The following SCAPER variants were observed in gnomAD, a reference collection of about 807,000 sequenced individuals.
SCAPER encodes the protein S-phase cyclin A associated protein in the ER, also known as S phase cyclin A-associated protein in the endoplasmic reticulum.
A neutral mutation model predicts 182.2 loss-of-function variants in SCAPER; 98 were observed. The ratio of observed to expected loss-of-function variants is 0.54; its 90% CI spans 0.46 to 0.64. SCAPER has a LOEUF of 0.64. SCAPER is among the 30% of genes least tolerant of loss of function. The pLI, the probability that SCAPER is intolerant of heterozygous loss-of-function variation, is 0.00. For synonymous variants in SCAPER, 605 were observed against 564.6 expected, an observed-to-expected ratio of 1.07 and a Z score of -1.01; for missense variants, 1,432 against 1,690.0, an observed-to-expected ratio of 0.85 and a Z score of 2.68.
chr15:76,513,441 C>T (rs2042196133), intron 23 of SCAPER, among the ~76,000 whole-genome samples: 1 of 152,074 alleles, frequency 6.6e-6, no homozygotes, highest in Non-Finnish European at 1.5e-5. Context: ...ATCAAGCTGT[C>T]TCAATGATGA....
At chr15:76,689,938 AG>A (rs1376618498) in intron 20 of SCAPER, among the ~76,000 whole-genome samples, 1 of 135,376 alleles carries the variant, frequency 7.4e-6, no homozygotes, top group African/African-American at 2.8e-5. Context: ...AAAAAAAAAA[AG>A]TCCATCTGAT....
intron 21 of SCAPER, among the ~76,000 whole-genome samples, chr15:76,623,867 T>TAA (rs146004517): frequency 1.1e-4 from 16 of 151,852 alleles, no homozygotes; most frequent in African/African-American, 3.4e-4. Flanking sequence ...CCCTTCATGA[T>TAA]AAAAAACCCT....
intron 20 of SCAPER, among the ~76,000 whole-genome samples, chr15:76,701,314 T>C (rs990591166): frequency 5.3e-5 from 8 of 152,176 alleles, no homozygotes; most frequent in Non-Finnish European, 1.2e-4. Flanking sequence ...AAAATATTCA[T>C]ATACATATTT....
intron 23 of SCAPER, among the ~76,000 whole-genome samples, chr15:76,514,549 T>C (rs1225504329): frequency 6.6e-6 from 1 of 152,218 alleles, no homozygotes. Context: ...ACAATAATTA[T>C]GTTCTTTGTG....
At chr15:76,391,369 T>C (rs2043683930) in intron 27 of SCAPER, among the ~76,000 whole-genome samples, 1 of 152,246 alleles carries the variant, frequency 6.6e-6, no homozygotes, top group Non-Finnish European at 1.5e-5. Flanking sequence ...TGATTGTTTT[T>C]TCCCCATTAG....
chr15:76,769,200 T>C (rs1476012092), intron 10 of SCAPER, among the ~76,000 whole-genome samples: 2 of 151,878 alleles, frequency 1.3e-5, no homozygotes, highest in African/African-American at 2.4e-5. Context: ...CCCAGCACTT[T>C]GGGAGGCCGA....
chr15:76,499,661 A>G (rs1023469954), intron 24 of SCAPER, among the ~76,000 whole-genome samples: 1 of 152,214 alleles, frequency 6.6e-6, no homozygotes, highest in East Asian at 1.9e-4. Context: ...AGCACATAAT[A>G]AAGTGCTAAG....
In SCAPER at chr15:76,750,479, G is replaced by GA. The variant is rs1317726463; in HGVS notation, c.1866+3328dup. 4.0e-5 allele frequency among the ~76,000 whole-genome samples: 6 copies of GA among 151,616 alleles called. No individual in the cohort carries two copies. The South Asian group carries it at 1.2e-3, about 31-fold the overall frequency. ...ACCAAAACCAGACAGAAACTACAAG[G>GA]AAAAAACTATAGACCAATATCCTTT... On this transcript the variant is annotated intron_variant, in intron 15 of 31. Coordinates refer to ENST00000563290, the MANE Select transcript of SCAPER (RefSeq NM_020843.4).
intron 23 of SCAPER, among the ~76,000 whole-genome samples, chr15:76,523,431 T>A (rs1164284345): frequency 6.6e-6 from 1 of 152,090 alleles, no homozygotes; most frequent in Non-Finnish European, 1.5e-5. Flanking sequence ...GTCCTTTATG[T>A]AAATCTGATA....
chr15:76,401,507 G>C (rs1309681078), intron 27 of SCAPER, among the ~76,000 whole-genome samples: 1 of 152,136 alleles, frequency 6.6e-6, no homozygotes, highest in Non-Finnish European at 1.5e-5. Context: ...GTGCTTCTTA[G>C]GAGTGATCAT....
intron 21 of SCAPER, among the ~76,000 whole-genome samples, chr15:76,654,722 C>G (rs575061116): frequency 6.6e-6 from 1 of 152,306 alleles, no homozygotes; most frequent in African/African-American, 2.4e-5. Context: ...GGACAAGTCC[C>G]TGACTCAGGC....
chr15:76,426,036 T>C (rs1415949566), intron 26 of SCAPER, among the ~76,000 whole-genome samples: 2 of 152,174 alleles, frequency 1.3e-5, no homozygotes, highest in Non-Finnish European at 2.9e-5. Flanking sequence ...GGGGGGTGCC[T>C]CCCAGTTAGG....
chr15:76,371,504 G>A (rs979618212), intron 29 of SCAPER, among the ~76,000 whole-genome samples: 1 of 151,704 alleles, frequency 6.6e-6, no homozygotes, highest in Non-Finnish European at 1.5e-5. Flanking sequence ...GTTTGTAGTA[G>A]AGACGGGGTT....
At chr15:76,554,564 T>C (rs1229562187) in intron 23 of SCAPER, among the ~76,000 whole-genome samples, 1 of 152,046 alleles carries the variant, frequency 6.6e-6, no homozygotes, top group Non-Finnish European at 1.5e-5. Flanking sequence ...TAGTTTGAAG[T>C]TGGGTAGTAT....
intron 1 of SCAPER, among the ~76,000 whole-genome samples, chr15:76,899,360 C>T (rs968338139): frequency 9.9e-5 from 15 of 152,214 alleles, no homozygotes; most frequent in Admixed American, 2.6e-4. Context: ...AGATGGGTTT[C>T]GCCATGTTGA....
chr15:76,546,762 A>G (rs530648580), intron 23 of SCAPER, among the ~76,000 whole-genome samples: 2 of 152,238 alleles, frequency 1.3e-5, no homozygotes, highest in African/African-American at 2.4e-5. Flanking sequence ...AGACTTCTAG[A>G]ACTTAAGTTT....
chr15:76,771,697 C>A (rs761412160), intron 10 of SCAPER, 45 bp downstream of exon 10: 2 of 1,442,608 alleles, frequency 1.4e-6, no homozygotes, highest in East Asian at 4.6e-5. Flanking sequence ...CTTAAATATA[C>A]TCAGAATTCT....
At chr15:76,683,754 G>T (rs894526678) in intron 20 of SCAPER, among the ~76,000 whole-genome samples, 6 of 151,892 alleles carry the variant, frequency 4.0e-5, no homozygotes, top group Admixed American at 2.6e-4. Context: ...TGTAGGGGGT[G>T]GGGGGGTCTA....
intron 8 of SCAPER, among the ~76,000 whole-genome samples, chr15:76,781,153 C>T (rs1320037315): frequency 6.6e-6 from 1 of 152,072 alleles, no homozygotes; most frequent in African/African-American, 2.4e-5. Context: ...AAAGGTTCCA[C>T]GAATGCCTAA....
Sources: allele counts gnomAD v4.1 joint callset (sites outside exome capture counted in the v4.1 genomes callset), GRCh38; gene constraint gnomAD v4.1.1; transcripts MANE v1.5; gene names NCBI Gene and HGNC (gene_info 2026-07-23, HGNC 2026-07-21).